Variants in ILKAP observed in about 807,000 individuals in gnomAD.
The protein encoded by ILKAP is ILK associated serine/threonine phosphatase, also known as integrin-linked kinase-associated serine/threonine phosphatase 2C.
A neutral mutation model predicts 49.1 loss-of-function variants in ILKAP; 11 were observed. That is an observed-to-expected ratio of 0.22 (90% CI 0.14 to 0.37). The LOEUF (loss-of-function observed/expected upper bound fraction) is 0.37, where lower values mean the gene tolerates loss of function less well. Among genes scored for constraint, ILKAP ranks in the 10% least tolerant of loss-of-function variants. The pLI, the probability that ILKAP is intolerant of heterozygous loss-of-function variation, is 1.00. For missense variants in ILKAP, 363 were observed against 510.8 expected (o/e 0.71, Z 2.79); for synonymous variants, 186 against 192.8 (o/e 0.96, Z 0.29).
intron 3 of ILKAP, among the ~76,000 whole-genome samples, chr2:238,190,884 A>T (rs1182145814): frequency 3.7e-5 from 3 of 82,010 alleles, no homozygotes; most frequent in Non-Finnish European, 9.4e-5. Context: ...CTTTAAAAAA[A>T]AAAAAAAAAA....
In ILKAP at chr2:238,183,694, C is replaced by T. The variant is rs1693787098; in HGVS notation, c.673G>A (p.Val225Ile). Residue 225 changes from valine (V) to isoleucine (I), a missense_variant, in exon 8 of 12, where the codon GTA (valine) becomes ATA (isoleucine). Coordinates refer to ENST00000254654, the MANE Select transcript of ILKAP (RefSeq NM_030768.3). The part of the protein sequence containing the change: ...DGSTATCVLA[V>I]DNILYIANLG... ...TTGGCAATATAAAGAATGTTGTCTACAGCCAGAACACACGTGGCAGTGGAC... is the reference window on the plus strand; with the variant it reads ...TTGGCAATATAAAGAATGTTGTCTATAGCCAGAACACACGTGGCAGTGGAC... 1.2e-6 allele frequency: 2 copies of T among 1,613,446 alleles called. No individual in the cohort carries two copies. Among genetic ancestry groups the T allele is most frequent in the African/African-American group, 1.3e-5 (1 of 75,012 alleles).
chr2:238,182,861 C>G (rs905026537), intron 8 of ILKAP, among the ~76,000 whole-genome samples: 3 of 152,198 alleles, frequency 2.0e-5, no homozygotes, highest in South Asian at 2.1e-4. Context: ...TAAACTCCAC[C>G]AGGCAGGGGC....
rs1035769497 is a variant in ILKAP, at chr2:238,194,273, A to G, written c.178+2T>C. 1.2e-6 allele frequency: 2 copies of G among 1,613,826 alleles called. No homozygotes were observed. Among genetic ancestry groups the G allele is most frequent in the South Asian group, 2.2e-5 (2 of 91,072 alleles). ...GCACCTTGGATTTTTCCTACCACTT[A>G]CCTGAATCGCCACTGCTAGCGGGTG... On this transcript the variant is annotated splice_donor_variant, in intron 3 of 11. Coordinates refer to ENST00000254654, the MANE Select transcript of ILKAP (RefSeq NM_030768.3). LOFTEE classifies it high-confidence loss of function.
chr2:238,176,101 C>G (rs1238796879), intron 9 of ILKAP, among the ~76,000 whole-genome samples: 3 of 150,858 alleles, frequency 2.0e-5, no homozygotes, highest in African/African-American at 2.4e-5. Flanking sequence ...GTTTCCCCCC[C>G]ACCCTCATAA....
rs145734818 is a variant in ILKAP at position 238,173,207 on chromosome 2, A to G, written c.956+327T>C. ...TGTCTGGCCATGCTTTCACACTGTC[A>G]CATTTTAATGCCTTACTGTGTGTTC... On this transcript the variant is annotated intron_variant, in intron 10 of 11. Coordinates refer to ENST00000254654, the MANE Select transcript of ILKAP (RefSeq NM_030768.3). Among the ~76,000 whole-genome samples, 3 of 152,200 alleles carry G rather than the reference A, an allele frequency of 2.0e-5. No homozygotes were observed. The East Asian group carries it at 5.8e-4, about 29-fold the overall frequency.
At chr2:238,172,906 C>T (rs1215690054) in intron 10 of ILKAP, among the ~76,000 whole-genome samples, 4 of 152,190 alleles carry the variant, frequency 2.6e-5, no homozygotes, top group Non-Finnish European at 4.4e-5. Context: ...TCACAGGCCT[C>T]CCTAGCCCCA....
chr2:238,201,197 TCA>T (rs1694555699), intron 1 of ILKAP, among the ~76,000 whole-genome samples: 1 of 151,914 alleles, frequency 6.6e-6, no homozygotes, highest in African/African-American at 2.4e-5. Context: ...TTTTTTTAAA[TCA>T]CAGTATTTTC....
At chr2:238,183,019 C>T (rs976150231) in intron 8 of ILKAP, among the ~76,000 whole-genome samples, 2 of 152,068 alleles carry the variant, frequency 1.3e-5, no homozygotes, top group African/African-American at 4.8e-5. Flanking sequence ...GCAAGGAGGC[C>T]GGGTGAAAAA....
At chr2:238,172,111 G>C (rs1693247644) in intron 10 of ILKAP, among the ~76,000 whole-genome samples, 1 of 152,080 alleles carries the variant, frequency 6.6e-6, no homozygotes, top group African/African-American at 2.4e-5. Flanking sequence ...GGAGAGCAAT[G>C]GCATGATCTC....
chr2:238,194,371 A>G (rs1694263461), intron 2 of ILKAP, 40 bp from the exon 3 acceptor site: 1 of 1,594,576 alleles, frequency 6.3e-7, no homozygotes, highest in African/African-American at 1.3e-5. Flanking sequence ...CACAAAAAAT[A>G]TGTAAGACTT....
At chr2:238,198,383 C>A (rs1025584769) in intron 1 of ILKAP, among the ~76,000 whole-genome samples, 3 of 152,042 alleles carry the variant, frequency 2.0e-5, no homozygotes, top group African/African-American at 7.3e-5. Flanking sequence ...AAACTACAGG[C>A]ATACACCACC....
At chr2:238,199,141 C>A (rs1047283767) in intron 1 of ILKAP, among the ~76,000 whole-genome samples, 2 of 152,162 alleles carry the variant, frequency 1.3e-5, no homozygotes, top group Admixed American at 1.3e-4. Flanking sequence ...CCAACACACC[C>A]AAGTCTAATT....
chr2:238,198,766 A>C (rs955660076), intron 1 of ILKAP, among the ~76,000 whole-genome samples: 8 of 152,108 alleles, frequency 5.3e-5, no homozygotes, highest in Admixed American at 1.3e-4. Flanking sequence ...AGTCTACTGG[A>C]AGTTATATAC....
At chr2:238,194,419 G>T in intron 2 of ILKAP, 88 bp from the exon 3 acceptor site, 1 of 1,246,348 alleles carries the variant, frequency 8.0e-7, no homozygotes, top group Non-Finnish European at 1.2e-6. Context: ...ACCTATGTAG[G>T]TTACTGAAAT....
At chr2:238,189,191 G>A (rs778427342) in intron 4 of ILKAP, among the ~76,000 whole-genome samples, 64 of 152,108 alleles carry the variant, frequency 4.2e-4, no homozygotes, top group African/African-American at 1.0e-3. Context: ...GGTGGCAGGC[G>A]TCTGTAGTCC....
intron 7 of ILKAP, 102 bp from the exon 8 acceptor site, chr2:238,183,842 C>A: frequency 2.0e-6 from 2 of 1,015,346 alleles, no homozygotes; most frequent in South Asian, 3.0e-5. Flanking sequence ...TCAAAATGAA[C>A]CATTTCCTTG....
At chr2:238,171,058 A>T (rs755908032) in intron 10 of ILKAP, 34 bp from the exon 11 acceptor site, 1 of 1,442,914 alleles carries the variant, frequency 6.9e-7, no homozygotes, top group African/African-American at 1.4e-5. Flanking sequence ...AACGGGTTTT[A>T]GGCCCAACCA....
chr2:238,186,499 C>T (rs1693914428), intron 5 of ILKAP: 1 of 152,172 alleles, frequency 6.6e-6, no homozygotes, highest in Admixed American at 6.5e-5. Flanking sequence ...GGAGCACCGT[C>T]ATATATGCAG....
chr2:238,170,437 T>C lies in ILKAP; in HGVS notation c.*99A>G, dbSNP rs1574773352. The C allele has an allele frequency of 3.9e-6, 5 of 1,289,858 alleles. No homozygotes were observed. The highest frequency in any genetic ancestry group is 5.3e-6 in the Non-Finnish European group (5 of 940,036). 79.9% of individuals were successfully genotyped at this position (1,289,858 alleles called of 1,614,324 possible). On this transcript the variant is annotated 3_prime_UTR_variant, in exon 12 of 12. Transcript: ENST00000254654. ...AAAGAGAAACCTTTATTTACAACCATGGGAGTCCCACAGGAGTACACAAAA... is the reference window on the plus strand; with the variant it reads ...AAAGAGAAACCTTTATTTACAACCACGGGAGTCCCACAGGAGTACACAAAA...
Sources: allele counts gnomAD v4.1 joint callset (sites outside exome capture counted in the v4.1 genomes callset), GRCh38; gene constraint gnomAD v4.1.1; transcripts MANE v1.5; gene names NCBI Gene and HGNC (gene_info 2026-07-23, HGNC 2026-07-21).